DCC: variants seen among roughly 807,000 people sequenced by gnomAD.
DCC encodes the protein DCC netrin 1 receptor.
In DCC, 58 loss-of-function variants were observed where a neutral mutation model predicts 172.5. That is an observed-to-expected ratio of 0.34 (90% CI 0.27 to 0.42). DCC has a LOEUF of 0.42. Among genes scored for constraint, DCC ranks in the 10% least tolerant of loss-of-function variants. DCC has a pLI of 1.00. For synonymous variants in DCC, 709 were observed against 644.5 expected (o/e 1.10, Z -1.52); for missense variants, 1,740 against 1,791.0 (o/e 0.97, Z 0.51).
chr18:52,602,327 T>C (rs1172513279), intron 1 of DCC, among the ~76,000 whole-genome samples: 1 of 152,018 alleles, frequency 6.6e-6, no homozygotes, highest in East Asian at 1.9e-4. Context: ...GCTGATCATA[T>C]AGGGTCTTCT....
chr18:53,223,709 T>C (rs192088318), intron 12 of DCC, among the ~76,000 whole-genome samples: 21 of 152,306 alleles, frequency 1.4e-4, no homozygotes, highest in Non-Finnish European at 2.5e-4. Flanking sequence ...TGTTGAACCA[T>C]TCACCCATGT....
At chr18:52,595,131 A>C (rs1347874866) in intron 1 of DCC, among the ~76,000 whole-genome samples, 1 of 152,222 alleles carries the variant, frequency 6.6e-6, no homozygotes, top group East Asian at 1.9e-4. Context: ...ATCACAAAAA[A>C]GTTATGGTCC....
At chr18:53,529,169 G>C (rs369107305) in intron 28 of DCC, among the ~76,000 whole-genome samples, 1 of 151,860 alleles carries the variant, frequency 6.6e-6, no homozygotes, top group South Asian at 2.1e-4. Context: ...GTGTATGCCC[G>C]AATCATTCAC....
intron 5 of DCC, among the ~76,000 whole-genome samples, chr18:53,015,325 T>A (rs770697391): frequency 3.9e-5 from 6 of 152,230 alleles, no homozygotes; most frequent in Non-Finnish European, 8.8e-5. Flanking sequence ...ATAAGCTTTA[T>A]GCATTTAGCC....
intron 1 of DCC, among the ~76,000 whole-genome samples, chr18:52,416,908 T>C (rs1303580792): frequency 2.0e-5 from 3 of 152,012 alleles, no homozygotes; most frequent in African/African-American, 7.2e-5. Context: ...AATTTGATCC[T>C]GTCATTATGA....
intron 10 of DCC, among the ~76,000 whole-genome samples, chr18:53,206,038 GTATA>G (rs1333515390): frequency 8.0e-5 from 8 of 99,630 alleles, no homozygotes; most frequent in African/African-American, 4.4e-4. Flanking sequence ...ATATATATGT[GTATA>G]TATAATATGT....
At chr18:53,216,646 T>C (rs1166319237) in intron 12 of DCC, among the ~76,000 whole-genome samples, 1 of 152,142 alleles carries the variant, frequency 6.6e-6, no homozygotes, top group African/African-American at 2.4e-5. Context: ...TTGTAAAAAA[T>C]CTATGAGGAA....
chr18:53,316,768 A>T (rs139504303), intron 13 of DCC, among the ~76,000 whole-genome samples: 4 of 152,192 alleles, frequency 2.6e-5, no homozygotes, highest in African/African-American at 9.6e-5. Context: ...GGTGTATAGG[A>T]ATGCTTGTGA....
intron 1 of DCC, among the ~76,000 whole-genome samples, chr18:52,649,321 C>CGA (rs200750001): frequency 0.12 from 17,635 of 146,656 alleles, 1,106 homozygotes; most frequent in Middle Eastern, 0.24. Context: ...TGCAGTGAGC[C>CGA]GAGATTGTGC....
intron 1 of DCC, among the ~76,000 whole-genome samples, chr18:52,550,309 G>A (rs1384577019): frequency 6.6e-6 from 1 of 151,638 alleles, no homozygotes; most frequent in Non-Finnish European, 1.5e-5. Flanking sequence ...GGAGACATGG[G>A]GATTAAATGT....
At chr18:52,455,915 A>C (rs1988443315) in intron 1 of DCC, among the ~76,000 whole-genome samples, 1 of 152,192 alleles carries the variant, frequency 6.6e-6, no homozygotes, top group Non-Finnish European at 1.5e-5. Context: ...ATGTAAGTTA[A>C]AATCAAAATT....
intron 12 of DCC, among the ~76,000 whole-genome samples, chr18:53,231,458 G>A (rs2056120089): frequency 6.6e-6 from 1 of 152,106 alleles, no homozygotes; most frequent in Admixed American, 6.6e-5. Context: ...TAAAGCAAGT[G>A]TCTGAACAAT....
chr18:52,978,687 G>A (rs187841731), intron 5 of DCC, among the ~76,000 whole-genome samples: 54 of 152,230 alleles, frequency 3.5e-4, no homozygotes, highest in Admixed American at 2.9e-3. Context: ...AATGACCTGC[G>A]AAATGCCTGT....
intron 1 of DCC, among the ~76,000 whole-genome samples, chr18:52,620,823 G>A (rs73955752): frequency 2.1e-3 from 318 of 152,258 alleles, no homozygotes; most frequent in African/African-American, 7.3e-3. Context: ...AAGGAGCTAC[G>A]TGAGAAACAT....
chr18:53,331,970 G>A (rs769021977), intron 14 of DCC, among the ~76,000 whole-genome samples: 1 of 152,170 alleles, frequency 6.6e-6, no homozygotes, highest in Non-Finnish European at 1.5e-5. Flanking sequence ...AAAGGCAAGT[G>A]TACAAAGGTG....
intron 2 of DCC, among the ~76,000 whole-genome samples, chr18:52,867,882 T>C (rs2039252763): frequency 6.6e-6 from 1 of 152,130 alleles, no homozygotes; most frequent in Non-Finnish European, 1.5e-5. Context: ...ATTTTAACTT[T>C]GTTTTAGGTC....
chr18:52,490,972 C>G (rs1169652750), intron 1 of DCC, among the ~76,000 whole-genome samples: 5 of 152,044 alleles, frequency 3.3e-5, no homozygotes, highest in Admixed American at 1.3e-4. Flanking sequence ...CAGGTTTAAA[C>G]CCAATTAGCA....
intron 15 of DCC, among the ~76,000 whole-genome samples, chr18:53,383,815 A>T (rs1452875852): frequency 6.6e-6 from 1 of 151,962 alleles, no homozygotes; most frequent in African/African-American, 2.4e-5. Flanking sequence ...CTTTTCATCT[A>T]CACCAAGAAT....
In DCC at chr18:52,752,052, A is replaced by G; in HGVS notation, c.92-2A>G. The G allele has an allele frequency of 6.2e-7, 1 of 1,613,368 alleles. No individual in the cohort carries two copies. Among genetic ancestry groups the G allele is most frequent in the Non-Finnish European group, 8.5e-7 (1 of 1,179,360 alleles). ...ATATTTCCCTGTGCTCTCTTGTTCC[A>G]GGTTTTCAAATTAAAGCTTTCACAG... On this transcript the variant is annotated splice_acceptor_variant, in intron 1 of 28. Coordinates refer to ENST00000442544, the MANE Select transcript of DCC (RefSeq NM_005215.4). LOFTEE classifies it high-confidence loss of function.
Sources: allele counts gnomAD v4.1 joint callset (sites outside exome capture counted in the v4.1 genomes callset), GRCh38; gene constraint gnomAD v4.1.1; transcripts MANE v1.5; gene names NCBI Gene and HGNC (gene_info 2026-07-23, HGNC 2026-07-21).